The following HS2ST1 variants were observed in gnomAD, a reference collection of about 807,000 sequenced individuals.
HS2ST1 encodes 2-O-sulfotransferase.
HS2ST1 carries 18 observed loss-of-function variants against 42.9 expected under a neutral mutation model. The observed-to-expected ratio is 0.42, with a 90% CI of 0.29 to 0.62. The LOEUF is 0.62. HS2ST1 is among the 20% of genes least tolerant of loss of function. The pLI is 0.21. For missense variants in HS2ST1, 334 were observed against 433.8 expected (o/e 0.77, Z 2.04); for synonymous variants, 146 against 152.9 (o/e 0.95, Z 0.33).
chr1:87,052,768 G>A (rs1045363160), intron 1 of HS2ST1, among the ~76,000 whole-genome samples: 116 of 152,220 alleles, frequency 7.6e-4, no homozygotes, highest in Non-Finnish European at 7.4e-5. Context: ...CAGATCTAAG[G>A]TACATCTAAA....
chr1:86,985,340 G>A (rs1181529004), intron 1 of HS2ST1, among the ~76,000 whole-genome samples: 10 of 97,536 alleles, frequency 1.0e-4, no homozygotes, highest in African/African-American at 2.4e-4. Flanking sequence ...GGGAGACAGC[G>A]AGACTTGTAT....
chr1:86,966,119 T>A (rs1001237398), intron 1 of HS2ST1, among the ~76,000 whole-genome samples: 1 of 152,222 alleles, frequency 6.6e-6, no homozygotes, highest in Non-Finnish European at 1.5e-5. Flanking sequence ...AGGCTATTTC[T>A]CTGGTAGGGG....
intron 1 of HS2ST1, among the ~76,000 whole-genome samples, chr1:86,970,559 C>A (rs1648201327): frequency 1.3e-5 from 2 of 152,036 alleles, no homozygotes; most frequent in Non-Finnish European, 2.9e-5. Context: ...CACCACCATG[C>A]TTGGCAAATT....
At chr1:87,032,581 T>C (rs1347005205) in intron 1 of HS2ST1, among the ~76,000 whole-genome samples, 1 of 152,182 alleles carries the variant, frequency 6.6e-6, no homozygotes, top group African/African-American at 2.4e-5. Flanking sequence ...CTTTAAAAAG[T>C]ACCTCAGGAC....
intron 1 of HS2ST1, among the ~76,000 whole-genome samples, chr1:86,919,419 A>G (rs1660243069): frequency 6.6e-6 from 1 of 152,214 alleles, no homozygotes; most frequent in Admixed American, 6.5e-5. Context: ...TCTGTATTTT[A>G]TTATAGTATT....
chr1:86,914,768 C>A lies in HS2ST1; in HGVS notation c.-269C>A. On this transcript the variant is annotated 5_prime_UTR_variant, in exon 1 of 7. Transcript: ENST00000370550. ...GCAGTAGAGGGAGGCGAGAGCCCGG[C>A]AGCCGCTTCGCGCTGTTTGCTGCGC... The A allele has an allele frequency of 2.0e-6, 1 of 495,294 alleles. No individual in the cohort carries two copies. 30.7% of individuals were successfully genotyped at this position (495,294 alleles called of 1,614,324 possible). A position where few individuals can be genotyped will look rare whatever the true frequency, so the allele number is the denominator to read the frequency against.
intron 2 of HS2ST1, 76 bp downstream of exon 2, chr1:87,073,248 G>A: frequency 1.0e-6 from 1 of 993,142 alleles, no homozygotes; most frequent in Non-Finnish European, 1.6e-6. Context: ...AGGGGATAAA[G>A]TATTTTAAAG....
intron 1 of HS2ST1, among the ~76,000 whole-genome samples, chr1:87,018,592 T>C (rs1029012756): frequency 6.6e-6 from 1 of 152,180 alleles, no homozygotes; most frequent in Non-Finnish European, 1.5e-5. Context: ...CACCCATGAA[T>C]AGCTTTTCAT....
chr1:87,098,151 AG>A, intron 5 of HS2ST1: 2 of 1,078,218 alleles, frequency 1.9e-6, no homozygotes, highest in Non-Finnish European at 2.2e-6. Flanking sequence ...TTGTTTTCTG[AG>A]ATGCCGGTTT....
intron 2 of HS2ST1, among the ~76,000 whole-genome samples, chr1:87,082,418 T>C (rs1256813744): frequency 6.6e-6 from 1 of 152,206 alleles, no homozygotes; most frequent in African/African-American, 2.4e-5. Context: ...ATAACACTGT[T>C]TTTTCAGACC....
At chr1:87,022,649 T>G (rs1649981642) in intron 1 of HS2ST1, among the ~76,000 whole-genome samples, 1 of 152,162 alleles carries the variant, frequency 6.6e-6, no homozygotes, top group African/African-American at 2.4e-5. Flanking sequence ...TGTGAGTTAA[T>G]AAGGTACCTT....
chr1:86,984,233 A>C (rs913702121), intron 1 of HS2ST1, among the ~76,000 whole-genome samples: 6 of 152,154 alleles, frequency 3.9e-5, no homozygotes, highest in African/African-American at 1.4e-4. Flanking sequence ...TGGAGTGAAA[A>C]ACAGTTATTA....
Position 86,915,131 on chromosome 1 carries a change from A to G in HS2ST1, c.95A>G (p.Gln32Arg). 9 of 1,614,060 alleles carry G rather than the reference A, an allele frequency of 5.6e-6. No individual in the cohort carries two copies. The highest frequency in any genetic ancestry group is 7.6e-6 in the Non-Finnish European group (9 of 1,179,954). Residue 32 changes from glutamine (Q) to arginine (R), a missense_variant, in exon 1 of 7, where the codon CAG becomes CGG. By Grantham distance (43) the Gln-to-Arg change is conservative. Transcript: ENST00000370550. ...VAMLFLENQI[Q>R]KLEESRSKLE... The stretch of plus-strand genomic sequence containing the variant: ...ATGCTCTTCTTGGAAAACCAGATCC[A>G]GAAACTGGAGGAGTCCCGCTCGAAG...
At chr1:87,018,108 T>G (rs1200444597) in intron 1 of HS2ST1, among the ~76,000 whole-genome samples, 1 of 146,780 alleles carries the variant, frequency 6.8e-6, no homozygotes, top group South Asian at 2.1e-4. Flanking sequence ...ACCTCTTTAT[T>G]TACCCTTCAA....
rs556859719 is a variant in HS2ST1, at chr1:87,095,883, C to T, written c.589-1955C>T. On this transcript the variant is annotated intron_variant, in intron 4 of 6. Coordinates refer to ENST00000370550, the MANE Select transcript of HS2ST1 (RefSeq NM_012262.4). ...TTAATGCACATAACTATTTCTCCTC[C>T]GACAAAAAAATGAAAAGAGTGGCAT... is the stretch of plus-strand genomic sequence containing the variant. Among the ~76,000 whole-genome samples the T allele has an allele frequency of 1.3e-3, 203 of 150,958 alleles. 1 individual carries two copies. The highest frequency in any genetic ancestry group is 4.5e-3 in the African/African-American group (184 of 41,194).
At chr1:86,960,501 G>A (rs1326301889) in intron 1 of HS2ST1, among the ~76,000 whole-genome samples, 2 of 152,162 alleles carry the variant, frequency 1.3e-5, no homozygotes, top group Admixed American at 1.3e-4. Context: ...AAAGAGATAA[G>A]TCACAGACTG....
rs190572377 is a variant in HS2ST1 at position 87,026,680 on chromosome 1, A to G, written c.125-46254A>G. On this transcript the variant is annotated intron_variant, in intron 1 of 6. Coordinates refer to ENST00000370550, the MANE Select transcript of HS2ST1 (RefSeq NM_012262.4). ...TATGCCCTAAGTTCATTGGCATTTC[A>G]CAGGTAGACTTTTTGCTGCTATTTT... 3.7e-3 allele frequency among the ~76,000 whole-genome samples: 570 copies of G among 152,208 alleles called. 4 individuals carry two copies. Among genetic ancestry groups the G allele is most frequent in the African/African-American group, 0.013 (547 of 41,540 alleles).
chr1:87,099,553 G>A (rs891038370), intron 5 of HS2ST1, among the ~76,000 whole-genome samples: 1 of 152,178 alleles, frequency 6.6e-6, no homozygotes, highest in African/African-American at 2.4e-5. Context: ...CCAGCATTGG[G>A]AATCACATTT....
chr1:86,993,069 G>T, intron 1 of HS2ST1: 4 of 1,591,208 alleles, frequency 2.5e-6, no homozygotes, highest in Non-Finnish European at 3.4e-6. Flanking sequence ...AGGTCACCAA[G>T]TCTTTCCTGT....
Sources: gnomAD v4.1 joint callset for allele counts (sites outside exome capture counted in the v4.1 genomes callset) on GRCh38, gnomAD v4.1.1 for gene constraint, MANE v1.5 for transcripts, NCBI Gene and HGNC (gene_info 2026-07-23, HGNC 2026-07-21) for gene names.